CRB1: variants seen among roughly 807,000 people sequenced by gnomAD.
The protein encoded by CRB1 is protein crumbs homolog 1.
In CRB1, 83 loss-of-function variants were observed where a neutral mutation model predicts 120.0. The ratio of observed to expected loss-of-function variants is 0.69; its 90% CI spans 0.58 to 0.83. The LOEUF is 0.83. CRB1 is among the 40% of genes least tolerant of loss of function. The pLI is 0.00. For missense variants in CRB1, 1,699 were observed against 1,687.6 expected, an observed-to-expected ratio of 1.01 and a Z score of -0.12; for synonymous variants, 625 against 612.5, an observed-to-expected ratio of 1.02 and a Z score of -0.30.
chr1:197,443,379 C>G (rs551199262), intron 11 of CRB1: 28 of 151,910 alleles, frequency 1.8e-4, no homozygotes, highest in African/African-American at 5.3e-4. Context: ...TACAAATAAT[C>G]CTTTCTCTAT....
chr1:197,267,993 A>G (rs1558018339), upstream of CRB1, among the ~76,000 whole-genome samples: 1 of 152,228 alleles, frequency 6.6e-6, no homozygotes, highest in Non-Finnish European at 1.5e-5. Context: ...AACATACGGT[A>G]TTCCTTTAAA....
At chr1:197,331,031 A>T (rs1036093128) in intron 2 of CRB1, among the ~76,000 whole-genome samples, 1 of 151,950 alleles carries the variant, frequency 6.6e-6, no homozygotes, top group African/African-American at 2.4e-5. Context: ...AAATACAAAA[A>T]ATTAGCCAGG....
chr1:197,390,752 A>T (rs550731834), intron 5 of CRB1, among the ~76,000 whole-genome samples: 2 of 152,248 alleles, frequency 1.3e-5, no homozygotes, highest in South Asian at 4.1e-4. Context: ...CAAAATATTT[A>T]AAATTTTCCT....
At chr1:197,413,616 C>T (rs1663816493) in intron 5 of CRB1, among the ~76,000 whole-genome samples, 1 of 152,174 alleles carries the variant, frequency 6.6e-6, no homozygotes, top group African/African-American at 2.4e-5. Context: ...TCCCAAAATT[C>T]ATTTCTTCAT....
intron 5 of CRB1, among the ~76,000 whole-genome samples, chr1:197,391,297 T>C (rs1662493526): frequency 6.6e-6 from 1 of 152,130 alleles, no homozygotes; most frequent in Non-Finnish European, 1.5e-5. Context: ...CCTGTCCACC[T>C]CCTATAATAA....
At position 197,344,415 on chromosome 1, in the gene CRB1, A is replaced by T; in HGVS notation, c.787A>T (p.Thr263Ser). 6.2e-7 allele frequency: 1 copy of T among 1,614,032 alleles called. No individual in the cohort carries two copies. The highest frequency in any genetic ancestry group is 1.1e-5 in the South Asian group (1 of 91,082). ...CCTGGGGGATCACTGTGAACTCAACACTGATGAGTGTGCCAGTCAACCTTG... is the reference window on the plus strand; with the variant it reads ...CCTGGGGGATCACTGTGAACTCAACTCTGATGAGTGTGCCAGTCAACCTTG... Reference protein sequence around the residue: ...GFLGDHCELNTDECASQPCLH... With the variant: ...GFLGDHCELNSDECASQPCLH... The change falls in exon 3 of 12, where the codon ACT becomes TCT. Residue 263 changes from threonine to serine, a missense_variant. Physicochemically the swap from Thr to Ser is moderately conservative, Grantham distance 58. Coordinates refer to ENST00000367400, the MANE Select transcript of CRB1 (RefSeq NM_201253.3).
chr1:197,284,595 A>G (rs917146608), intron 1 of CRB1, among the ~76,000 whole-genome samples: 1 of 151,860 alleles, frequency 6.6e-6, no homozygotes, highest in Non-Finnish European at 1.5e-5. Flanking sequence ...ATATAGGTAA[A>G]TATCTAACTA....
the CRB1 span, among the ~76,000 whole-genome samples, chr1:197,261,940 A>C: frequency 5.3e-5 from 8 of 152,282 alleles, no homozygotes; most frequent in East Asian, 1.5e-3. Context: ...AATAATCTAT[A>C]ATATAGAGTT....
intron 2 of CRB1, among the ~76,000 whole-genome samples, chr1:197,340,655 G>A (rs1337492492): frequency 6.6e-6 from 1 of 152,066 alleles, no homozygotes; most frequent in Non-Finnish European, 1.5e-5. Flanking sequence ...GACTAATTAG[G>A]ACACGGGGAA....
At chr1:197,431,480 A>G (rs1483278666) in intron 8 of CRB1, among the ~76,000 whole-genome samples, 1 of 152,168 alleles carries the variant, frequency 6.6e-6, no homozygotes, top group Non-Finnish European at 1.5e-5. Flanking sequence ...TTAATTATTA[A>G]TTTTACTGTT....
intron 1 of CRB1, among the ~76,000 whole-genome samples, chr1:197,290,329 C>A (rs1656100476): frequency 1.4e-5 from 2 of 146,204 alleles, no homozygotes; most frequent in Admixed American, 6.9e-5. Flanking sequence ...GATCTCAGAT[C>A]ATATGGGTAC....
At chr1:197,261,131 G>GT in the CRB1 span, among the ~76,000 whole-genome samples, 1 of 152,068 alleles carries the variant, frequency 6.6e-6, no homozygotes. Context: ...AAAATTTCAA[G>GT]TTTTTTGTAA....
At chr1:197,240,519 C>G in the CRB1 span, among the ~76,000 whole-genome samples, 1 of 152,156 alleles carries the variant, frequency 6.6e-6, no homozygotes, top group Non-Finnish European at 1.5e-5. Flanking sequence ...TTTCCAGCTT[C>G]ATCCATGTCC....
chr1:197,213,225 C>G, the CRB1 span, among the ~76,000 whole-genome samples: 13 of 152,288 alleles, frequency 8.5e-5, no homozygotes, highest in Middle Eastern at 6.8e-3. Flanking sequence ...AACCAACTCT[C>G]CTACTGAGAA....
chr1:197,405,459 C>T (rs1455192174), intron 5 of CRB1, among the ~76,000 whole-genome samples: 1 of 151,960 alleles, frequency 6.6e-6, no homozygotes, highest in African/African-American at 2.4e-5. Flanking sequence ...GCCTTGGCCT[C>T]CCAAAGTGCC....
At chr1:197,324,567 T>C (rs1299760358) in intron 1 of CRB1, among the ~76,000 whole-genome samples, 20 of 152,196 alleles carry the variant, frequency 1.3e-4, no homozygotes, top group Admixed American at 1.3e-3. Context: ...TTTATGTTCA[T>C]TAATTTAACC....
chr1:197,403,176 T>G (rs765162674), intron 5 of CRB1, among the ~76,000 whole-genome samples: 1 of 152,220 alleles, frequency 6.6e-6, no homozygotes, highest in Non-Finnish European at 1.5e-5. Context: ...GAATACATAA[T>G]GTATGTATGT....
chr1:197,352,694 T>A (rs981057014), intron 4 of CRB1, among the ~76,000 whole-genome samples: 3 of 151,766 alleles, frequency 2.0e-5, no homozygotes, highest in Non-Finnish European at 2.9e-5. Context: ...TCCTTTTTTT[T>A]TTTTTTTTTA....
intron 4 of CRB1, 82 bp downstream of exon 4, chr1:197,347,561 T>A: frequency 7.1e-7 from 1 of 1,402,778 alleles, no homozygotes; most frequent in South Asian, 1.2e-5. Context: ...AAATGAAAAA[T>A]TATTGTTGTT....
Sources: allele counts gnomAD v4.1 joint callset (sites outside exome capture counted in the v4.1 genomes callset), GRCh38; gene constraint gnomAD v4.1.1; transcripts MANE v1.5; gene names NCBI Gene and HGNC (gene_info 2026-07-23, HGNC 2026-07-21).